Variants in ATXN3 observed in about 807,000 individuals in gnomAD.
ATXN3 encodes the protein ataxin-3.
Under a neutral mutation model 58.2 loss-of-function variants are expected in ATXN3, and 28 were observed. That is an observed-to-expected ratio of 0.48 (90% CI 0.36 to 0.66). ATXN3 has a LOEUF of 0.66. Ranked by LOEUF, ATXN3 falls within the 30% of genes least tolerant of loss-of-function variation. The pLI is 0.00. For synonymous variants in ATXN3, 113 were observed against 138.5 expected (o/e 0.82, Z 1.29); for missense variants, 321 against 422.1 (o/e 0.76, Z 2.10).
At chr14:92,100,473 T>C (rs368968720) in intron 1 of ATXN3, among the ~76,000 whole-genome samples, 39 of 151,872 alleles carry the variant, frequency 2.6e-4, no homozygotes, top group South Asian at 1.0e-3. Flanking sequence ...AGAATGGAAA[T>C]TGTGTTTACT....
At chr14:92,054,132 T>G (rs1045072638), downstream of ATXN3, among the ~76,000 whole-genome samples, 4 of 152,078 alleles carry the variant, frequency 2.6e-5, no homozygotes, top group African/African-American at 9.7e-5. Flanking sequence ...GATGGGGTTT[T>G]GCCATGTTGG....
At chr14:92,053,007 T>C (rs539323164), upstream of ATXN3, among the ~76,000 whole-genome samples, 4 of 152,242 alleles carry the variant, frequency 2.6e-5, no homozygotes, top group Admixed American at 2.6e-4. Flanking sequence ...ATCCCAGCAC[T>C]TTGGGAGGCC....
At position 92,083,116 on chromosome 14, in the gene ATXN3, T is replaced by C. The variant is rs1384425946; in HGVS notation, c.608+10A>G. ...TACCATATATTCCATACTGCAGGCC[T>C]CATTTTTACCTTTGCTCTTTTAGTT... On this transcript the variant is annotated intron_variant, in intron 7 of 10. Coordinates refer to ENST00000644486, the MANE Select transcript of ATXN3 (RefSeq NM_004993.6). 7 of 1,606,042 alleles carry C rather than the reference T, an allele frequency of 4.4e-6. No individual in the cohort carries two copies. The highest frequency in any genetic ancestry group is 1.7e-5 in the Admixed American group (1 of 57,652).
chr14:92,075,995 C>T (rs2060283411), intron 9 of ATXN3, among the ~76,000 whole-genome samples: 1 of 152,178 alleles, frequency 6.6e-6, no homozygotes, highest in Non-Finnish European at 1.5e-5. Context: ...ATCAATCCTC[C>T]ACCAAGTAGG....
At chr14:92,097,687 G>A (rs1416055545) in intron 1 of ATXN3, among the ~76,000 whole-genome samples, 6 of 151,728 alleles carry the variant, frequency 4.0e-5, no homozygotes, top group South Asian at 2.1e-4. Context: ...CGCCATGCCC[G>A]GCTAATTTTT....
intron 10 of ATXN3, among the ~76,000 whole-genome samples, chr14:92,066,601 G>GTTTTTTTTTTTT (rs66941473): frequency 7.7e-4 from 82 of 107,010 alleles, no homozygotes; most frequent in Non-Finnish European, 9.4e-4. Context: ...TTTTTTTCTT[G>GTTTTTTTTTTTT]TTTTTTTTTT....
rs1361340147 is a variant in ATXN3 at position 92,060,262 on chromosome 14, A to ATTT, written c.*4057_*4058insAAA. On this transcript the variant is annotated 3_prime_UTR_variant, in exon 11 of 11. Transcript: ENST00000644486. ...TATATATACACACATATATATATAT[A>ATTT]TATATATATTTTTTTTTTTCAGAAA... 8.6e-6 allele frequency: 1 copy of ATTT among 115,690 alleles called. No individual in the cohort carries two copies. Among genetic ancestry groups the ATTT allele is most frequent in the African/African-American group, 3.4e-5 (1 of 29,630 alleles). 7.2% of individuals were successfully genotyped at this position (115,690 alleles called of 1,614,324 possible).
At chr14:92,080,327 G>A (rs1209670165) in intron 9 of ATXN3, among the ~76,000 whole-genome samples, 2 of 152,122 alleles carry the variant, frequency 1.3e-5, no homozygotes, top group Non-Finnish European at 2.9e-5. Context: ...GATTGGTAGA[G>A]GAATTTTGCA....
chr14:92,104,018 G>T (rs1400427882), intron 1 of ATXN3, among the ~76,000 whole-genome samples: 1 of 152,164 alleles, frequency 6.6e-6, no homozygotes, highest in South Asian at 2.1e-4. Context: ...TCTTGAGGAC[G>T]CCCAAAAAAC....
chr14:92,099,647 T>C (rs2066268622), intron 1 of ATXN3, among the ~76,000 whole-genome samples: 1 of 152,140 alleles, frequency 6.6e-6, no homozygotes, highest in Admixed American at 6.6e-5. Context: ...GGCAGGAGGA[T>C]TACTTGAGCC....
At chr14:92,086,716 A>G (rs2062648313) in intron 6 of ATXN3, among the ~76,000 whole-genome samples, 1 of 152,158 alleles carries the variant, frequency 6.6e-6, no homozygotes, top group Non-Finnish European at 1.5e-5. Flanking sequence ...AGGAAAAAAT[A>G]AAAATGGGGA....
rs958935809 is a variant in ATXN3, at chr14:92,096,196, C to T, written c.190-59G>A. 2.5e-6 allele frequency: 4 copies of T among 1,612,342 alleles called. No individual in the cohort carries two copies. In the South Asian group the frequency reaches 4.4e-5, roughly 18 times the overall value. On this transcript the variant is annotated intron_variant, in intron 2 of 10. Coordinates refer to ENST00000644486, the MANE Select transcript of ATXN3 (RefSeq NM_004993.6). ...GGGGGTGGGGAAAGAAGGATACAAACTGTCATTAGCGTGCATATTTAAAAC... is the reference window on the plus strand; with the variant it reads ...GGGGGTGGGGAAAGAAGGATACAAATTGTCATTAGCGTGCATATTTAAAAC...
In ATXN3 at chr14:92,062,951, A is replaced by G. The variant is rs950983122; in HGVS notation, c.*1369T>C. 2.1e-4 allele frequency: 32 copies of G among 152,628 alleles called. No individual in the cohort carries two copies. The highest frequency in any genetic ancestry group is 6.5e-4 in the African/African-American group (27 of 41,452). The allele number at this position is 152,628 out of a possible 1,614,324, so 9.5% of individuals were successfully genotyped here. A position where few individuals can be genotyped will look rare whatever the true frequency, so the allele number is the denominator to read the frequency against. ...CAATTCAACATTCAAAAGAGCTTCA[A>G]AAGGAGATGGAGAATGAGGGATAGG... is the stretch of plus-strand genomic sequence containing the variant. On this transcript the variant is annotated 3_prime_UTR_variant, in exon 11 of 11. Coordinates refer to ENST00000644486, the MANE Select transcript of ATXN3 (RefSeq NM_004993.6).
intron 1 of ATXN3, among the ~76,000 whole-genome samples, chr14:92,049,000 T>A (rs1457294215): frequency 6.6e-6 from 1 of 152,160 alleles, no homozygotes; most frequent in East Asian, 1.9e-4. Context: ...ATTTGCCCAT[T>A]TTTCAACAAA....
intron 9 of ATXN3, among the ~76,000 whole-genome samples, chr14:92,079,676 T>C (rs2061086473): frequency 6.6e-6 from 1 of 152,222 alleles, no homozygotes; most frequent in Admixed American, 6.5e-5. Context: ...GCTATGACTC[T>C]GTTTTCTGAC....
intron 1 of ATXN3, among the ~76,000 whole-genome samples, chr14:92,104,015 G>A (rs1353909846): frequency 6.6e-6 from 1 of 152,202 alleles, no homozygotes; most frequent in East Asian, 1.9e-4. Flanking sequence ...TACTCTTGAG[G>A]ACGCCCAAAA....
At chr14:92,088,658 C>T in intron 6 of ATXN3, 72 bp downstream of exon 6, 3 of 1,076,746 alleles carry the variant, frequency 2.8e-6, no homozygotes, top group South Asian at 2.7e-5. Flanking sequence ...TTTTATCACA[C>T]TGTCATCTAA....
At chr14:92,100,205 T>C (rs183613344) in intron 1 of ATXN3, among the ~76,000 whole-genome samples, 27 of 152,302 alleles carry the variant, frequency 1.8e-4, no homozygotes, top group Admixed American at 1.6e-3. Flanking sequence ...CTAATAATTA[T>C]GTAATGCATC....
intron 5 of ATXN3, among the ~76,000 whole-genome samples, chr14:92,091,230 C>A (rs2063718761): frequency 6.6e-6 from 1 of 152,080 alleles, no homozygotes; most frequent in Non-Finnish European, 1.5e-5. Flanking sequence ...ACGGACGGAT[C>A]ACCTGAGGTC....
Sources: gnomAD v4.1 joint callset for allele counts (sites outside exome capture counted in the v4.1 genomes callset) on GRCh38, gnomAD v4.1.1 for gene constraint, MANE v1.5 for transcripts, NCBI Gene and HGNC (gene_info 2026-07-23, HGNC 2026-07-21) for gene names.